KMT2C: variants seen among roughly 807,000 people sequenced by gnomAD.
KMT2C encodes histone-lysine N-methyltransferase 2C.
KMT2C carries 88 observed loss-of-function variants against 507.9 expected under a neutral mutation model. That is an observed-to-expected ratio of 0.17 (90% CI 0.15 to 0.21). The LOEUF is 0.21. Among genes scored for constraint, KMT2C ranks in the 10% least tolerant of loss-of-function variants. The pLI is 1.00. For missense variants in KMT2C, 4,954 were observed against 5,957.8 expected (o/e 0.83, Z 5.55); for synonymous variants, 2,049 against 2,080.8 (o/e 0.98, Z 0.42).
chr7:152,169,848 AAAATAAAAAAAAT>A (rs1302754058), intron 40 of KMT2C, among the ~76,000 whole-genome samples: 1 of 152,168 alleles, frequency 6.6e-6, no homozygotes, highest in Non-Finnish European at 1.5e-5. Context: ...TGTTCCCAAA[AAAATAAAAAAAAT>A]AAATAAAAAG....
chr7:152,422,281 T>C lies in KMT2C; in HGVS notation c.161+13345A>G, dbSNP rs748950019. 2.2e-5 allele frequency among the ~76,000 whole-genome samples: 3 copies of C among 136,072 alleles called. No homozygotes were observed. In the Admixed American group the frequency reaches 2.2e-4, roughly 10 times the overall value. The allele number at this position is 136,072 out of a possible 152,430, so 89.3% of individuals were successfully genotyped here. A position where few individuals can be genotyped will look rare whatever the true frequency, so the allele number is the denominator to read the frequency against. The stretch of plus-strand genomic sequence containing the variant: ...GGCCAACACGGCAAAACCCAGTCTC[T>C]ACTAAAAAAAAAAAAAAAAAAAAAT... On this transcript the variant is annotated intron_variant, in intron 1 of 58. Coordinates refer to ENST00000262189, the MANE Select transcript of KMT2C (RefSeq NM_170606.3).
intron 3 of KMT2C, among the ~76,000 whole-genome samples, chr7:152,325,106 T>C (rs1321005215): frequency 6.6e-6 from 1 of 152,006 alleles, no homozygotes; most frequent in Non-Finnish European, 1.5e-5. Flanking sequence ...TCTTGGTATT[T>C]TTCATGAAAA....
intron 1 of KMT2C, chr7:152,367,119 T>G (rs2097253674): frequency 4.2e-6 from 4 of 947,596 alleles, no homozygotes; most frequent in Non-Finnish European, 5.0e-6. Flanking sequence ...AAGAGAAGAG[T>G]GTGGTCTCCT....
chr7:152,241,948 T>G (rs1184139827), intron 14 of KMT2C, among the ~76,000 whole-genome samples: 1 of 152,238 alleles, frequency 6.6e-6, no homozygotes, highest in Non-Finnish European at 1.5e-5. Context: ...GAAGACAGAC[T>G]TTGTGTAATT....
chr7:152,288,262 G>A (rs968135960), intron 6 of KMT2C, among the ~76,000 whole-genome samples: 26 of 149,550 alleles, frequency 1.7e-4, no homozygotes, highest in Non-Finnish European at 3.0e-4. Context: ...GGCCAGGTGC[G>A]GTCGCTCAGG....
chr7:152,433,550 A>T (rs1408230692), intron 1 of KMT2C, among the ~76,000 whole-genome samples: 1 of 152,256 alleles, frequency 6.6e-6, no homozygotes, highest in Non-Finnish European at 1.5e-5. Context: ...AGACCCGTCA[A>T]ATTTACCAGT....
intron 3 of KMT2C, among the ~76,000 whole-genome samples, chr7:152,317,580 T>TA: frequency 1.3e-5 from 2 of 152,316 alleles, no homozygotes; most frequent in South Asian, 4.1e-4. Context: ...AAGAACTCAG[T>TA]AAAAATTTTT....
In KMT2C at chr7:152,154,141, C is replaced by G; in HGVS notation, c.12145G>C (p.Glu4049Gln). Residue 4049 changes from glutamate to glutamine, a missense_variant, in exon 48 of 59, where the codon GAA becomes CAA. Physicochemically the swap from Glu to Gln is conservative, Grantham distance 29 (BLOSUM62 2). Around this residue, in one of 29 missense-constraint regions of KMT2C, gnomAD observed 417 missense variants for 461.1 expected, o/e 0.90. Coordinates refer to ENST00000262189, the MANE Select transcript of KMT2C (RefSeq NM_170606.3). The stretch of plus-strand genomic sequence containing the variant: ...GTTTTGATGTCATTCCTTCTTGATT[C>G]TGAACCTTTAAAAAGAGAGAAAAAA... ...ILPSTAGKSSESRRNDIKTEP... is the reference protein window; with the variant it reads ...ILPSTAGKSSQSRRNDIKTEP... 1 of 1,613,698 alleles carries G rather than the reference C, an allele frequency of 6.2e-7. No individual in the cohort carries two copies. The highest frequency in any genetic ancestry group is 1.1e-5 in the South Asian group (1 of 90,922).
At chr7:152,415,938 A>T (rs1363536896) in intron 1 of KMT2C, among the ~76,000 whole-genome samples, 1 of 152,194 alleles carries the variant, frequency 6.6e-6, no homozygotes, top group African/African-American at 2.4e-5. Flanking sequence ...CAAGTAAGTA[A>T]AAGCTTAGAA....
chr7:152,229,454 A>C (rs2095040290), intron 18 of KMT2C, among the ~76,000 whole-genome samples: 1 of 152,172 alleles, frequency 6.6e-6, no homozygotes, highest in Non-Finnish European at 1.5e-5. Context: ...CTGACTCTCG[A>C]TTATTACCAA....
intron 6 of KMT2C, among the ~76,000 whole-genome samples, chr7:152,291,162 T>C (rs77413285): frequency 1.1e-3 from 169 of 152,262 alleles, no homozygotes; most frequent in African/African-American, 4.0e-3. Flanking sequence ...TTTGACTTAA[T>C]AGTTGAGGGC....
chr7:152,372,328 G>T (rs1220527908), intron 1 of KMT2C, among the ~76,000 whole-genome samples: 1 of 151,960 alleles, frequency 6.6e-6, no homozygotes. Context: ...GCTAATTTTT[G>T]TATTTTTAGT....
At position 152,149,044 on chromosome 7, in the gene KMT2C, G is replaced by A. The variant is rs773468046; in HGVS notation, c.12883C>T (p.Leu4295Phe). The A allele has an allele frequency of 6.5e-7, 1 of 1,534,510 alleles. No homozygotes were observed. Among genetic ancestry groups the A allele is most frequent in the East Asian group, 2.3e-5 (1 of 44,414 alleles). Residue 4295 changes from leucine (L) to phenylalanine (F), a missense_variant, in exon 52 of 59, where the codon CTC (leucine) becomes TTC (phenylalanine). Leu to Phe is a conservative substitution (Grantham distance 22). Around this residue, in one of 29 missense-constraint regions of KMT2C, gnomAD observed 417 missense variants for 461.1 expected, o/e 0.90. Transcript: ENST00000262189. ...GCAGGGGGAGAAGCTTTCTCTGGGA[G>A]CTGGGGGAGACAGTGCACATCCAAA... ...STLDVHCLPQ[L>F]PEKASPPASP...
chr7:152,337,691 T>G (rs2096949572), intron 2 of KMT2C, among the ~76,000 whole-genome samples: 1 of 151,966 alleles, frequency 6.6e-6, no homozygotes, highest in African/African-American at 2.4e-5. Flanking sequence ...TACCACCTAG[T>G]ATAAAACTGT....
chr7:152,147,707 C>CAAAAAA (rs762588729), intron 52 of KMT2C, among the ~76,000 whole-genome samples: 418 of 44,340 alleles, frequency 9.4e-3, no homozygotes, highest in Non-Finnish European at 0.014. Context: ...AACTCCGTCT[C>CAAAAAA]AAAAAAAAAA....
chr7:152,244,039 T>G (rs2095429710), intron 14 of KMT2C, among the ~76,000 whole-genome samples: 1 of 152,322 alleles, frequency 6.6e-6, no homozygotes. Flanking sequence ...AATACAACTG[T>G]GCAATGAGAG....
chr7:152,307,863 G>A (rs941944367), intron 6 of KMT2C, among the ~76,000 whole-genome samples: 8 of 152,068 alleles, frequency 5.3e-5, no homozygotes, highest in African/African-American at 1.4e-4. Context: ...CAAACACTAC[G>A]AGTTTATATT....
chr7:152,296,464 A>C, intron 6 of KMT2C, among the ~76,000 whole-genome samples: 1 of 151,530 alleles, frequency 6.6e-6, no homozygotes, highest in Admixed American at 6.6e-5. Context: ...AGAGAGAGAG[A>C]GAAATATGCT....
At chr7:152,284,446 A>G (rs879710917) in intron 6 of KMT2C, among the ~76,000 whole-genome samples, 10 of 152,146 alleles carry the variant, frequency 6.6e-5, no homozygotes, top group Non-Finnish European at 1.3e-4. Flanking sequence ...CTTTTATCAT[A>G]TGTGTAATTT....
Sources: allele counts gnomAD v4.1 joint callset (sites outside exome capture counted in the v4.1 genomes callset), GRCh38; gene constraint gnomAD v4.1.1; regional missense constraint gnomAD v4.1.1; transcripts MANE v1.5; gene names NCBI Gene and HGNC (gene_info 2026-07-23, HGNC 2026-07-21).